Variants in CYFIP1 observed in about 807,000 individuals in gnomAD.
CYFIP1 encodes the protein cytoplasmic FMR1-interacting protein 1.
CYFIP1 carries 58 observed loss-of-function variants against 163.5 expected under a neutral mutation model. The ratio of observed to expected loss-of-function variants is 0.35; its 90% CI spans 0.29 to 0.44. The LOEUF is 0.44. CYFIP1 is among the 20% of genes least tolerant of loss of function. CYFIP1 has a pLI of 1.00. For missense variants in CYFIP1, 1,338 were observed against 1,653.8 expected (o/e 0.81, Z 3.31); for synonymous variants, 663 against 660.7 (o/e 1.00, Z -0.05).
At chr15:22,921,942 G>T (rs1030642564) in intron 13 of CYFIP1, among the ~76,000 whole-genome samples, 7 of 152,036 alleles carry the variant, frequency 4.6e-5, no homozygotes, top group South Asian at 2.1e-4. Flanking sequence ...TTTCAACAGG[G>T]TACCAAAACA....
intron 23 of CYFIP1, among the ~76,000 whole-genome samples, chr15:22,892,381 C>G (rs1047758598): frequency 6.6e-6 from 1 of 152,200 alleles, no homozygotes; most frequent in Non-Finnish European, 1.5e-5. Flanking sequence ...ACATGGTAGA[C>G]CCGGGTGCTC....
At chr15:22,910,876 G>T in intron 18 of CYFIP1, 63 bp from the exon 19 acceptor site, 1 of 1,427,622 alleles carries the variant, frequency 7.0e-7, no homozygotes, top group Non-Finnish European at 9.8e-7. Flanking sequence ...ATAACAAGGT[G>T]AAAAACAAAA....
intron 26 of CYFIP1, among the ~76,000 whole-genome samples, chr15:22,878,726 TAA>T (rs1458129036): frequency 1.5e-5 from 2 of 133,198 alleles, no homozygotes; most frequent in Non-Finnish European, 3.2e-5. Flanking sequence ...ACATCCAAAT[TAA>T]GAGCATTTTA....
intron 6 of CYFIP1, among the ~76,000 whole-genome samples, chr15:22,940,997 G>A (rs138969280): frequency 3.9e-4 from 59 of 152,304 alleles, no homozygotes; most frequent in African/African-American, 1.1e-3. Context: ...AGCCAAGATC[G>A]TGCCACCGCA....
chr15:22,936,525 C>T lies in CYFIP1; in HGVS notation c.900+579G>A, dbSNP rs570545238. On this transcript the variant is annotated intron_variant, in intron 9 of 30. Transcript: ENST00000617928. ...GTGCTAAGTACTGATGTGGCACCAG[C>T]GGCGCATTCTCTCACTGCTGATGGG... 1.1e-4 allele frequency among the ~76,000 whole-genome samples: 16 copies of T among 152,292 alleles called. No individual in the cohort carries two copies. The East Asian group carries it at 1.4e-3, about 13-fold the overall frequency.
Position 22,914,911 on chromosome 15 carries a change from T to G in CYFIP1, c.1829-29A>C, listed in dbSNP as rs200919879. The G allele has an allele frequency of 1.8e-5, 28 of 1,582,518 alleles. No homozygotes were observed. In the African/African-American group the frequency reaches 3.4e-4, roughly 19 times the overall value. The stretch of plus-strand genomic sequence containing the variant: ...GGAGGGTTCAAACAACTCCATGTTA[T>G]CTCCCGCAAGCAAAAAAAAACCTTT... On this transcript the variant is annotated intron_variant, in intron 16 of 30. Transcript: ENST00000617928.
intron 9 of CYFIP1, among the ~76,000 whole-genome samples, chr15:22,934,455 G>C (rs1396157592): frequency 7.2e-6 from 1 of 139,744 alleles, no homozygotes. Flanking sequence ...AAAGTGCTGG[G>C]ATTACAGGCG....
chr15:22,944,607 T>G lies in CYFIP1; in HGVS notation c.338A>C (p.Glu113Ala). The G allele has an allele frequency of 6.2e-7, 1 of 1,613,908 alleles. No homozygotes were observed. Among genetic ancestry groups the G allele is most frequent in the Non-Finnish European group, 8.5e-7 (1 of 1,179,842 alleles). ...TTTTGTGACCTCAGGCTCCAGAACC[T>G]CCACGGTTTTCTCGTAGATTTCCAC... ...NRVEIYEKTV[E>A]VLEPEVTKLM... Residue 113 changes from glutamate (E) to alanine (A), a missense_variant, in exon 5 of 31, where the codon GAG (glutamate) becomes GCG (alanine). Glu to Ala is a moderately radical substitution (Grantham distance 107, BLOSUM62 -1). Coordinates refer to ENST00000617928, the MANE Select transcript of CYFIP1 (RefSeq NM_014608.6).
In CYFIP1 at chr15:22,943,237, C is replaced by T. The variant is rs1377372730; in HGVS notation, c.505G>A (p.Ala169Thr). Residue 169 changes from alanine (A) to threonine (T), a missense_variant, in exon 6 of 31, where the codon GCT becomes ACT. Ala to Thr is a moderately conservative substitution (Grantham distance 58, BLOSUM62 0). Transcript: ENST00000617928. ...ATGTTCTTCAGCTCGTCCAGCACAG[C>T]GAACATGTTGATGAATTTGCCCAGT... is the stretch of plus-strand genomic sequence containing the variant. ...ITLGKFINMF[A>T]VLDELKNMKC... 1.9e-6 allele frequency: 3 copies of T among 1,614,222 alleles called. No homozygotes were observed.
chr15:22,903,639 G>A (rs2060471220), intron 22 of CYFIP1, 67 bp downstream of exon 22: 37 of 1,540,172 alleles, frequency 2.4e-5, no homozygotes, highest in Non-Finnish European at 3.2e-5. Context: ...TGACATGGAG[G>A]AAGCCTGCGG....
At chr15:22,895,793 C>T (rs1330559297) in intron 22 of CYFIP1, among the ~76,000 whole-genome samples, 2 of 152,124 alleles carry the variant, frequency 1.3e-5, no homozygotes, top group African/African-American at 2.4e-5. Context: ...GCCCATGCAA[C>T]GAAGCCCCAA....
In CYFIP1 at chr15:22,927,968, A is replaced by G; in HGVS notation, c.1171T>C (p.Phe391Leu). The change falls in exon 12 of 31, where the codon TTC becomes CTC. Residue 391 changes from phenylalanine to leucine, a missense_variant. By Grantham distance (22) the Phe-to-Leu change is conservative. Coordinates refer to ENST00000617928, the MANE Select transcript of CYFIP1 (RefSeq NM_014608.6). ...QKTDAEYRKL[F>L]DLALQGLQLL... ...TGCAGGCCCTGCAGCGCCAGGTCGA[A>G]GAGCTTGCGGTACTCCGCGTCCGTC... The G allele has an allele frequency of 6.2e-7, 1 of 1,604,614 alleles. No individual in the cohort carries two copies. The highest frequency in any genetic ancestry group is 8.5e-7 in the Non-Finnish European group (1 of 1,177,274).
At chr15:22,883,571 C>A (rs6606815) in intron 23 of CYFIP1, among the ~76,000 whole-genome samples, 132,350 of 152,206 alleles carry the variant, frequency 0.87, 57,878 homozygotes, top group African/African-American at 0.96. Context: ...TAATCCCAGC[C>A]CTTTGGGAGG....
chr15:22,894,575 C>G (rs1370494721), intron 22 of CYFIP1, among the ~76,000 whole-genome samples: 1 of 151,472 alleles, frequency 6.6e-6, no homozygotes, highest in African/African-American at 2.4e-5. Flanking sequence ...CAGGCATGAG[C>G]CACCACGCCC....
chr15:22,893,713 C>T (rs1468724166), intron 22 of CYFIP1, among the ~76,000 whole-genome samples: 1 of 152,104 alleles, frequency 6.6e-6, no homozygotes, highest in Non-Finnish European at 1.5e-5. Context: ...GCCACTAGGC[C>T]CCCTGACCAC....
At position 22,867,202 on chromosome 15, in the gene CYFIP1, T is replaced by G. The variant is rs1595456235; in HGVS notation, c.*2826A>C. The G allele has an allele frequency of 2.4e-6, 1 of 423,282 alleles. No individual in the cohort carries two copies. The highest frequency in any genetic ancestry group is 4.1e-6 in the Non-Finnish European group (1 of 241,292). 26.2% of individuals were successfully genotyped at this position (423,282 alleles called of 1,614,324 possible). ...TGAAATGTGCATTTGTCATCCCCAC[T>G]CCATCAATCCCTGACCATGTAAGGC... On this transcript the variant is annotated 3_prime_UTR_variant, in exon 31 of 31. Coordinates refer to ENST00000617928, the MANE Select transcript of CYFIP1 (RefSeq NM_014608.6).
chr15:22,900,624 G>A (rs1246326861), intron 22 of CYFIP1, among the ~76,000 whole-genome samples: 1 of 151,464 alleles, frequency 6.6e-6, no homozygotes, highest in Non-Finnish European at 1.5e-5. Flanking sequence ...AATGGTCTTG[G>A]TCTCCTACCT....
chr15:22,966,739 C>A (rs61228924), intron 1 of CYFIP1, among the ~76,000 whole-genome samples: 17,170 of 151,958 alleles, frequency 0.11, 1,108 homozygotes, highest in Non-Finnish European at 0.12. Context: ...CATGACAGCC[C>A]ACCGAGACCC....
chr15:22,876,697 G>A (rs1406103735), intron 26 of CYFIP1, among the ~76,000 whole-genome samples: 2 of 152,000 alleles, frequency 1.3e-5, no homozygotes, highest in East Asian at 3.9e-4. Flanking sequence ...CGGGTGTGGT[G>A]GCACATGCCT....
Sources: allele counts gnomAD v4.1 joint callset (sites outside exome capture counted in the v4.1 genomes callset), GRCh38; gene constraint gnomAD v4.1.1; transcripts MANE v1.5; gene names NCBI Gene and HGNC (gene_info 2026-07-23, HGNC 2026-07-21).